FIP1L1: variants seen among roughly 807,000 people sequenced by gnomAD.
FIP1L1 encodes factor interacting with PAPOLA and CPSF1, also known as pre-mRNA 3'-end-processing factor FIP1.
Under a neutral mutation model 84.6 loss-of-function variants are expected in FIP1L1, and 21 were observed. That is an observed-to-expected ratio of 0.25 (90% confidence interval 0.18 to 0.36). The LOEUF is 0.36. Ranked by LOEUF, FIP1L1 falls within the 10% of genes least tolerant of loss-of-function variation. The pLI is 1.00. For synonymous variants in FIP1L1, 263 were observed against 242.3 expected, an observed-to-expected ratio of 1.09 and a Z score of -0.80; for missense variants, 526 against 751.1, an observed-to-expected ratio of 0.70 and a Z score of 3.50.
At chr4:53,380,199 T>C (rs1211077098) in intron 3 of FIP1L1, among the ~76,000 whole-genome samples, 1 of 152,200 alleles carries the variant, frequency 6.6e-6, no homozygotes, top group Non-Finnish European at 1.5e-5. Context: ...AGCAGCATTA[T>C]TCTTAATAGA....
At chr4:53,452,883 A>G in intron 15 of FIP1L1, 37 bp from the exon 16 acceptor site, 1 of 1,553,992 alleles carries the variant, frequency 6.4e-7, no homozygotes, top group Non-Finnish European at 8.9e-7. Context: ...TTTTTAAAGT[A>G]CCATAACGTT....
rs1721391641 is a variant in FIP1L1 at position 53,459,621 on chromosome 4, A to G, written c.*172A>G. The G allele has an allele frequency of 2.2e-6, 2 of 908,776 alleles. No individual in the cohort carries two copies. Among genetic ancestry groups the G allele is most frequent in the East Asian group, 5.1e-5 (2 of 38,894 alleles). The allele number at this position is 908,776 out of a possible 1,614,324, so 56.3% of individuals were successfully genotyped here. A position where few individuals can be genotyped will look rare whatever the true frequency, so the allele number is the denominator to read the frequency against. ...GTGAATTTTTCATGTTAAGTTAAAA[A>G]TCTTTGTCTTGTACTATTTCAAAAA... On this transcript the variant is annotated 3_prime_UTR_variant, in exon 18 of 18. Coordinates refer to ENST00000337488, the MANE Select transcript of FIP1L1 (RefSeq NM_030917.4).
chr4:53,408,698 T>G (rs1755250283), intron 10 of FIP1L1, among the ~76,000 whole-genome samples: 1 of 152,178 alleles, frequency 6.6e-6, no homozygotes, highest in Non-Finnish European at 1.5e-5. Context: ...TCGTTTCTTT[T>G]TATTCTTTTT....
At position 53,409,478 on chromosome 4, in the gene FIP1L1, G is replaced by A. The variant is rs558059625; in HGVS notation, c.816-5137G>A. On this transcript the variant is annotated intron_variant, in intron 10 of 17. Coordinates refer to ENST00000337488, the MANE Select transcript of FIP1L1 (RefSeq NM_030917.4). ...ACCCACTTGAGGAGGCAGTCTGCCCGTTCTCAGATCTCCAGCTGCGTGCTG... is the reference window on the plus strand; with the variant it reads ...ACCCACTTGAGGAGGCAGTCTGCCCATTCTCAGATCTCCAGCTGCGTGCTG... Among the ~76,000 whole-genome samples, 182 of 152,334 alleles carry A rather than the reference G, an allele frequency of 1.2e-3. 1 individual carries two copies. Among genetic ancestry groups the A allele is most frequent in the African/African-American group, 4.1e-3 (169 of 41,580 alleles).
In FIP1L1 at chr4:53,449,741, A is replaced by G. The variant is rs537873176; in HGVS notation, c.1286-3179A>G. 9.9e-5 allele frequency among the ~76,000 whole-genome samples: 15 copies of G among 152,276 alleles called. No individual in the cohort carries two copies. In the South Asian group the frequency reaches 3.1e-3, roughly 32 times the overall value. Reference sequence around the variant, plus strand: ...ACCTGTAAAAGGCATGTGGCCTTGTAGGAAGATTTTAAATTACTGATTTAA... The same window carrying G: ...ACCTGTAAAAGGCATGTGGCCTTGTGGGAAGATTTTAAATTACTGATTTAA... On this transcript the variant is annotated intron_variant, in intron 15 of 17. Coordinates refer to ENST00000337488, the MANE Select transcript of FIP1L1 (RefSeq NM_030917.4).
At chr4:53,395,049 A>G (rs1490393332) in intron 9 of FIP1L1, among the ~76,000 whole-genome samples, 2 of 152,234 alleles carry the variant, frequency 1.3e-5, no homozygotes, top group Non-Finnish European at 2.9e-5. Context: ...CAGATCTGAC[A>G]TAAATTTGTT....
At chr4:53,441,852 G>C (rs1389813273) in intron 13 of FIP1L1, among the ~76,000 whole-genome samples, 1 of 151,948 alleles carries the variant, frequency 6.6e-6, no homozygotes, top group Non-Finnish European at 1.5e-5. Context: ...TCCTAGTAGT[G>C]AGAGTTGTTA....
At chr4:53,386,894 G>T (rs1436008690) in intron 5 of FIP1L1, among the ~76,000 whole-genome samples, 2 of 152,174 alleles carry the variant, frequency 1.3e-5, no homozygotes, top group Non-Finnish European at 2.9e-5. Flanking sequence ...CCAGTGATAA[G>T]TGGAAAAGAG....
chr4:53,451,948 A>G (rs900608700), intron 15 of FIP1L1, among the ~76,000 whole-genome samples: 24 of 150,870 alleles, frequency 1.6e-4, no homozygotes, highest in African/African-American at 4.2e-4. Flanking sequence ...TAGTGGTGCA[A>G]TCTCGGCTCA....
chr4:53,390,392 G>A, intron 6 of FIP1L1, 129 bp from the exon 7 acceptor site: 1 of 562,136 alleles, frequency 1.8e-6, no homozygotes, highest in Admixed American at 3.5e-5. Flanking sequence ...GTAAAAAGAT[G>A]TTTGTTTTCT....
At chr4:53,381,911 C>T (rs549940222) in intron 3 of FIP1L1, among the ~76,000 whole-genome samples, 40 of 150,824 alleles carry the variant, frequency 2.7e-4, no homozygotes, top group East Asian at 2.3e-3. Flanking sequence ...TACAGGTGCC[C>T]GCCACCATGC....
intron 11 of FIP1L1, among the ~76,000 whole-genome samples, chr4:53,422,311 G>T (rs1762702119): frequency 6.6e-6 from 1 of 151,912 alleles, no homozygotes. Flanking sequence ...ATTGTTTCAT[G>T]AATCTTTTTT....
At chr4:53,459,204 C>G (rs1005064955) in intron 17 of FIP1L1, 98 bp from the exon 18 acceptor site, 1 of 805,152 alleles carries the variant, frequency 1.2e-6, no homozygotes, top group Non-Finnish European at 2.0e-6. Context: ...TATTTTAAAC[C>G]CAGTGTTATA....
At chr4:53,392,482 T>G (rs1744770570) in intron 9 of FIP1L1, among the ~76,000 whole-genome samples, 1 of 152,242 alleles carries the variant, frequency 6.6e-6, no homozygotes, top group Non-Finnish European at 1.5e-5. Context: ...TTTGCAAATA[T>G]TTTGAAAGTA....
At position 53,414,718 on chromosome 4, in the gene FIP1L1, C is replaced by G. The variant is rs770564829; in HGVS notation, c.919C>G (p.Leu307Val). 1.2e-6 allele frequency: 2 copies of G among 1,604,638 alleles called. No homozygotes were observed. The highest frequency in any genetic ancestry group is 2.2e-5 in the East Asian group (1 of 44,776). ...DRYGRAESPD[L>V]RRLPGAIDVI... Reference sequence around the variant, plus strand: ...ATATGGGAGGGCCGAATCACCTGATCTAAGGTAAGGCTATTTTTAAACATT... The same window carrying G: ...ATATGGGAGGGCCGAATCACCTGATGTAAGGTAAGGCTATTTTTAAACATT... Residue 307 changes from leucine (L) to valine (V), a missense_variant, in exon 11 of 18, where the codon CTA becomes GTA. Transcript: ENST00000337488.
At chr4:53,434,085 G>A (rs1004305907) in intron 13 of FIP1L1, among the ~76,000 whole-genome samples, 9 of 151,904 alleles carry the variant, frequency 5.9e-5, no homozygotes, top group South Asian at 4.2e-4. Flanking sequence ...AAAACTTTTT[G>A]GTTACGTCTT....
In FIP1L1 at chr4:53,377,941, T is replaced by C. The variant is rs1020998448; in HGVS notation, c.85+18T>C. 1.9e-6 allele frequency: 3 copies of C among 1,565,520 alleles called. No individual in the cohort carries two copies. The highest frequency in any genetic ancestry group is 2.6e-6 in the Non-Finnish European group (3 of 1,154,232). On this transcript the variant is annotated intron_variant, in intron 1 of 17. Transcript: ENST00000337488. ...CTATGGCGGTACGAAACTTCCTGTC[T>C]CTGTCTCTCGGGTTCTCTCAGGCCT...
Position 53,377,733 on chromosome 4 carries a change from G to C in FIP1L1, c.-106G>C. On this transcript the variant is annotated 5_prime_UTR_variant, in exon 1 of 18. Coordinates refer to ENST00000337488, the MANE Select transcript of FIP1L1 (RefSeq NM_030917.4). Reference sequence around the variant, plus strand: ...TTGGAGTCTCGAGCTTTCTTCGTTCGTTCGTCGGCGGGTTCGCGCCCTTCT... The same window carrying C: ...TTGGAGTCTCGAGCTTTCTTCGTTCCTTCGTCGGCGGGTTCGCGCCCTTCT... The C allele has an allele frequency of 1.9e-6, 2 of 1,067,130 alleles. No homozygotes were observed. Among genetic ancestry groups the C allele is most frequent in the South Asian group, 3.6e-5 (2 of 56,034 alleles). 66.1% of individuals were successfully genotyped at this position (1,067,130 alleles called of 1,614,324 possible).
At chr4:53,407,601 A>T (rs1356136767) in intron 10 of FIP1L1, among the ~76,000 whole-genome samples, 2 of 147,476 alleles carry the variant, frequency 1.4e-5, no homozygotes, top group Non-Finnish European at 2.9e-5. Flanking sequence ...TCTAATGTTG[A>T]CAGTGGGGTG....
Sources: allele counts gnomAD v4.1 joint callset (sites outside exome capture counted in the v4.1 genomes callset), GRCh38; gene constraint gnomAD v4.1.1; transcripts MANE v1.5; gene names NCBI Gene and HGNC (gene_info 2026-07-23, HGNC 2026-07-21).